The following ANO3 variants were observed in gnomAD, a reference collection of about 807,000 sequenced individuals.
ANO3 encodes anoctamin 3, also known as anoctamin-3.
A neutral mutation model predicts 144.8 loss-of-function variants in ANO3; 99 were observed. The observed-to-expected ratio is 0.68, with a 90% CI of 0.58 to 0.81. The LOEUF is 0.81. ANO3 is among the 30% of genes least tolerant of loss of function. The pLI is 0.00. For missense variants in ANO3, 905 were observed against 1,202.2 expected (o/e 0.75, Z 3.66); for synonymous variants, 414 against 392.6 (o/e 1.05, Z -0.64).
intron 14 of ANO3, among the ~76,000 whole-genome samples, chr11:26,568,996 G>T (rs941891374): frequency 6.6e-6 from 1 of 151,890 alleles, no homozygotes; most frequent in Non-Finnish European, 1.5e-5. Flanking sequence ...TCCTAATAAA[G>T]TGGTCACCAG....
chr11:26,577,657 A>C (rs1202222395), intron 14 of ANO3, among the ~76,000 whole-genome samples: 1 of 152,214 alleles, frequency 6.6e-6, no homozygotes, highest in Non-Finnish European at 1.5e-5. Flanking sequence ...ATATAAAATA[A>C]AACAATTTAC....
intron 1 of ANO3, among the ~76,000 whole-genome samples, chr11:26,290,077 C>T (rs7482029): frequency 0.99 from 150,179 of 152,136 alleles, 74,158 homozygotes; most frequent in Non-Finnish European, 1. Context: ...AATTATTGCC[C>T]CAATTTCAGA....
At chr11:26,656,903 C>A (rs1565170945) in intron 26 of ANO3, among the ~76,000 whole-genome samples, 1 of 152,116 alleles carries the variant, frequency 6.6e-6, no homozygotes, top group Admixed American at 6.5e-5. Context: ...GTGTAAGCAA[C>A]ACTGGATGGT....
At chr11:26,573,004 T>A (rs185848386) in intron 14 of ANO3, among the ~76,000 whole-genome samples, 28 of 152,282 alleles carry the variant, frequency 1.8e-4, no homozygotes, top group African/African-American at 6.7e-4. Flanking sequence ...TTCCTACACT[T>A]CCTTTCAGAG....
chr11:26,648,207 C>G (rs1241240725), intron 24 of ANO3, among the ~76,000 whole-genome samples: 1 of 152,014 alleles, frequency 6.6e-6, no homozygotes, highest in African/African-American at 2.4e-5. Flanking sequence ...GGGGAAATTG[C>G]AACCTATACT....
chr11:26,237,961 G>A (rs1852572140), intron 1 of ANO3, among the ~76,000 whole-genome samples: 1 of 152,076 alleles, frequency 6.6e-6, no homozygotes, highest in African/African-American at 2.4e-5. Flanking sequence ...TCTTTATCTT[G>A]TATCTGGGTC....
intron 1 of ANO3, among the ~76,000 whole-genome samples, chr11:26,209,436 CA>C (rs1164620113): frequency 6.6e-6 from 1 of 152,098 alleles, no homozygotes; most frequent in African/African-American, 2.4e-5. Context: ...CTATTGTGAA[CA>C]GTGCTGCAAT....
At chr11:26,510,147 AAAAAAAGAGT>A (rs906949512) in intron 5 of ANO3, among the ~76,000 whole-genome samples, 1 of 147,722 alleles carries the variant, frequency 6.8e-6, no homozygotes, top group Admixed American at 6.9e-5. Flanking sequence ...AAAAAAAAAA[AAAAAAAGAGT>A]AGAAAAGAAA....
At chr11:26,438,604 A>AG (rs1858383644) in intron 1 of ANO3, among the ~76,000 whole-genome samples, 1 of 126,772 alleles carries the variant, frequency 7.9e-6, no homozygotes, top group African/African-American at 2.7e-5. Flanking sequence ...AAAAAAAAAA[A>AG]AAAAGAAAAA....
At position 26,598,851 on chromosome 11, in the gene ANO3, C is replaced by T. The variant is rs766861747; in HGVS notation, c.1531-7C>T. ...TGATATTTAGATAACTTTCGTTTCTCTCATAGGAAACACTTCGTCCCCAGT... is the reference window on the plus strand; with the variant it reads ...TGATATTTAGATAACTTTCGTTTCTTTCATAGGAAACACTTCGTCCCCAGT... On this transcript the variant is annotated splice_region_variant and splice_polypyrimidine_tract_variant and intron_variant, in intron 15 of 26. Transcript: ENST00000256737. 1.6e-5 allele frequency: 25 copies of T among 1,609,774 alleles called. No individual in the cohort carries two copies.
At chr11:26,313,678 T>C (rs1034849422) in intron 1 of ANO3, among the ~76,000 whole-genome samples, 18 of 151,454 alleles carry the variant, frequency 1.2e-4, no homozygotes, top group Non-Finnish European at 2.1e-4. Context: ...GAAGCAAGAC[T>C]GTGTCTCAAA....
chr11:26,508,748 A>G (rs1050853965), intron 5 of ANO3: 20 of 153,102 alleles, frequency 1.3e-4, no homozygotes, highest in African/African-American at 4.6e-4. Flanking sequence ...AAAGAAGGAA[A>G]AGCGTATCCT....
intron 1 of ANO3, among the ~76,000 whole-genome samples, chr11:26,222,250 A>G (rs1852161481): frequency 6.6e-6 from 1 of 152,242 alleles, no homozygotes. Context: ...TTAAATCTTA[A>G]AAGTCCAAAA....
chr11:26,481,743 T>C lies in ANO3; in HGVS notation c.432+18595T>C, dbSNP rs888718817. Among the ~76,000 whole-genome samples the C allele has an allele frequency of 2.0e-5, 3 of 152,116 alleles. No homozygotes were observed. In the East Asian group the frequency reaches 5.8e-4, roughly 29 times the overall value. ...AAACAGAAAGCAAAGGGAAAGAATG[T>C]CTATAAACAAATTAGGGATCAGTTG... is the stretch of plus-strand genomic sequence containing the variant. On this transcript the variant is annotated intron_variant, in intron 4 of 26. Transcript: ENST00000256737.
chr11:26,322,449 T>G lies in ANO3; in HGVS notation c.-3+12730T>G, dbSNP rs184366874. Among the ~76,000 whole-genome samples the G allele has an allele frequency of 1.5e-3, 235 of 152,228 alleles. 3 individuals carry two copies. Among genetic ancestry groups the G allele is most frequent in the Non-Finnish European group, 2.6e-4 (18 of 67,972 alleles). On this transcript the variant is annotated intron_variant, in intron 1 of 26. Coordinates refer to the ANO3 transcript ENST00000525139. ...CTCTTTTCTGTTCCAGGATCTCATATTGGTTAGTCCATTACATGCAGTTGT... is the reference window on the plus strand; with the variant it reads ...CTCTTTTCTGTTCCAGGATCTCATAGTGGTTAGTCCATTACATGCAGTTGT...
At chr11:26,189,421 T>C in intron 1 of ANO3, 1 of 754,870 alleles carries the variant, frequency 1.3e-6, no homozygotes, top group Non-Finnish European at 1.6e-6. Flanking sequence ...AATGTTGATG[T>C]CATCCATTTT....
Position 26,595,457 on chromosome 11 carries a change from G to GTTTTTTT in ANO3, c.1448-2906_1448-2905insTTTTTTT, listed in dbSNP as rs1411703035. Among the ~76,000 whole-genome samples the GTTTTTTT allele has an allele frequency of 2.2e-3, 147 of 67,778 alleles. 1 individual carries two copies. The highest frequency in any genetic ancestry group is 8.8e-3 in the Middle Eastern group (1 of 114). 44.5% of individuals were successfully genotyped at this position (67,778 alleles called of 152,430 possible). On this transcript the variant is annotated intron_variant, in intron 14 of 26. Coordinates refer to ENST00000256737, the MANE Select transcript of ANO3 (RefSeq NM_031418.4). The stretch of plus-strand genomic sequence containing the variant: ...ACTTTTGACTCAGTATTGAGATAGA[G>GTTTTTTT]TTGTTTTTTTTTTTTTTTTTTTTTT...
rs373216448 is a variant in ANO3 at position 26,194,716 on chromosome 11, C to G, written c.154+5386C>G. ...GGTTTCTCCACGTTCAGGCTCATAC[C>G]ACCACACCTGGCTAATTTTTTGTAT... On this transcript the variant is annotated intron_variant, in intron 1 of 27. Transcript: ENST00000672621. Among the ~76,000 whole-genome samples the G allele has an allele frequency of 1.6e-4, 25 of 151,732 alleles. No individual in the cohort carries two copies. In the East Asian group the frequency reaches 2.3e-3, roughly 14 times the overall value.
intron 4 of ANO3, among the ~76,000 whole-genome samples, chr11:26,505,944 G>C (rs1210710474): frequency 1.4e-5 from 2 of 145,198 alleles, no homozygotes; most frequent in African/African-American, 5.2e-5. Context: ...AGTGAGCCGA[G>C]ACCGCGCCAC....
Sources: gnomAD v4.1 joint callset for allele counts (sites outside exome capture counted in the v4.1 genomes callset) on GRCh38, gnomAD v4.1.1 for gene constraint, MANE v1.5 for transcripts, NCBI Gene and HGNC (gene_info 2026-07-23, HGNC 2026-07-21) for gene names.